The following KLHL12 variants were observed in gnomAD, a reference collection of about 807,000 sequenced individuals.
The protein encoded by KLHL12 is kelch like family member 12, also known as kelch-like protein 12.
A neutral mutation model predicts 60.8 loss-of-function variants in KLHL12; 17 were observed. The ratio of observed to expected loss-of-function variants is 0.28; its 90% confidence interval spans 0.19 to 0.42. The LOEUF (loss-of-function observed/expected upper bound fraction) is 0.42, where lower values mean the gene tolerates loss of function less well. Among genes scored for constraint, KLHL12 ranks in the 10% least tolerant of loss-of-function variants. KLHL12 has a pLI of 1.00. For synonymous variants in KLHL12, 220 were observed against 250.9 expected (o/e 0.88, Z 1.16); for missense variants, 468 against 722.3 (o/e 0.65, Z 4.04).
At chr1:202,903,917 C>T (rs1660100849) in intron 6 of KLHL12, among the ~76,000 whole-genome samples, 1 of 151,760 alleles carries the variant, frequency 6.6e-6, no homozygotes, top group Non-Finnish European at 1.5e-5. Flanking sequence ...TGCTCTTGGC[C>T]CTGTCTCATG....
chr1:202,916,034 G>C (rs1029589394), intron 4 of KLHL12, among the ~76,000 whole-genome samples: 1 of 152,182 alleles, frequency 6.6e-6, no homozygotes, highest in Non-Finnish European at 1.5e-5. Flanking sequence ...TTTCCAATAT[G>C]TGTACAAATC....
At chr1:202,906,951 C>T (rs1334250695) in intron 6 of KLHL12, among the ~76,000 whole-genome samples, 2 of 152,180 alleles carry the variant, frequency 1.3e-5, no homozygotes, top group East Asian at 1.9e-4. Context: ...TGTGAGACAC[C>T]GTGCCCGGCC....
rs755186933 is a variant in KLHL12, at chr1:202,892,545, G to A, written c.1695C>T (p.Leu565=). ...TQRCDAGVCV[L]REK is the part of the protein sequence containing the mutation. ...GCTCCAACAATGGTCACTTCTCGCGGAGAACACAAACACCAGCATCACAGC... is the reference window on the plus strand; with the variant it reads ...GCTCCAACAATGGTCACTTCTCGCGAAGAACACAAACACCAGCATCACAGC... Residue 565 remains leucine (L), a synonymous_variant, in exon 12 of 12, where the codon CTC becomes CTT. Transcript: ENST00000367261. 8 of 1,613,814 alleles carry A rather than the reference G, an allele frequency of 5.0e-6. No individual in the cohort carries two copies. Among genetic ancestry groups the A allele is most frequent in the Admixed American group, 1.7e-5 (1 of 60,028 alleles).
rs1489361960 is a variant in KLHL12, at chr1:202,918,206, C to G, written c.532G>C (p.Glu178Gln). The change falls in exon 4 of 12, where the codon GAG (glutamate) becomes CAG (glutamine). Residue 178 changes from glutamate (E) to glutamine (Q), a missense_variant. Around this residue, in one of 4 missense-constraint regions of KLHL12, gnomAD observed 339 missense variants for 525.0 expected, o/e 0.65. Coordinates refer to ENST00000367261, the MANE Select transcript of KLHL12 (RefSeq NM_021633.4). ...TCGCACTTGATTAGCTTTTCCACCT[C>G]TCCTTGACTCAGAAGAATGAACTCT... The part of the protein sequence containing the change: ...HEEFILLSQG[E>Q]VEKLIKCDEI... 1 of 1,614,036 alleles carries G rather than the reference C, an allele frequency of 6.2e-7. No individual in the cohort carries two copies. Among genetic ancestry groups the G allele is most frequent in the Non-Finnish European group, 8.5e-7 (1 of 1,180,014 alleles).
intron 6 of KLHL12, among the ~76,000 whole-genome samples, chr1:202,902,419 G>A (rs542030316): frequency 7.3e-5 from 11 of 150,788 alleles, no homozygotes; most frequent in Non-Finnish European, 1.5e-4. Flanking sequence ...AACAGAGCGA[G>A]ACTCCGTCCA....
rs1047643350 is a variant in KLHL12, at chr1:202,895,624, A to C, written c.1033T>G (p.Ser345Ala). ...GCTGTGTAGTCTAGACATTCCACTG[A>C]ACTAAGGCGGGAACGGCCATCATAG... ...GGYDGRSRLS[S>A]VECLDYTADE... Residue 345 changes from serine to alanine, a missense_variant, in exon 8 of 12, where the codon TCA becomes GCA. Coordinates refer to ENST00000367261, the MANE Select transcript of KLHL12 (RefSeq NM_021633.4). This position sits in a 1 kb window ranked among gnomAD's most constrained non-coding sequence, Gnocchi z 4.2. 50 of 1,613,998 alleles carry C rather than the reference A, an allele frequency of 3.1e-5. No homozygotes were observed. The highest frequency in any genetic ancestry group is 4.2e-5 in the Non-Finnish European group (49 of 1,180,010).
Position 202,909,111 on chromosome 1 carries a change from C to T in KLHL12, c.731G>A (p.Cys244Tyr), listed in dbSNP as rs780295621. The T allele has an allele frequency of 1.2e-6, 2 of 1,612,920 alleles. No individual in the cohort carries two copies. The highest frequency in any genetic ancestry group is 4.5e-5 in the East Asian group (2 of 44,858). ...DVIDAEPFIR[C>Y]SLQCRDLVDE... ...AACCAGATCCCTGCATTGTAAACTA[C>T]AGCGGATGAAAGGCTGAAATATAGC... Residue 244 changes from cysteine (C) to tyrosine (Y), a missense_variant, in exon 6 of 12, where the codon TGT (cysteine) becomes TAT (tyrosine). Cys to Tyr is a radical substitution (Grantham distance 194). Coordinates refer to ENST00000367261, the MANE Select transcript of KLHL12 (RefSeq NM_021633.4). The surrounding 1 kb of genome is among the most constrained non-coding windows in gnomAD (Gnocchi z 4.1).
At chr1:202,925,511 T>C (rs893854496) in intron 1 of KLHL12, among the ~76,000 whole-genome samples, 1 of 152,188 alleles carries the variant, frequency 6.6e-6, no homozygotes, top group Non-Finnish European at 1.5e-5. Context: ...CTTGACAAGG[T>C]TCTTGTCTCA....
At chr1:202,894,132 G>A in intron 10 of KLHL12, 52 bp downstream of exon 10, 2 of 1,021,702 alleles carry the variant, frequency 2.0e-6, no homozygotes, top group Non-Finnish European at 1.5e-6. Context: ...CATTATATAT[G>A]TAAAGGTCTG....
In KLHL12 at chr1:202,895,978, G is replaced by A. The variant is rs929083222; in HGVS notation, c.940-261C>T. Among the ~76,000 whole-genome samples, 4 of 152,174 alleles carry A rather than the reference G, an allele frequency of 2.6e-5. No homozygotes were observed. Among genetic ancestry groups the A allele is most frequent in the Non-Finnish European group, 5.9e-5 (4 of 68,038 alleles). On this transcript the variant is annotated intron_variant, in intron 7 of 11. Coordinates refer to ENST00000367261, the MANE Select transcript of KLHL12 (RefSeq NM_021633.4). This position sits in a 1 kb window ranked among gnomAD's most constrained non-coding sequence, Gnocchi z 4.2. ...CTTCCAAAAGATTTAACAGCTTTCTGTTATCCAATATCTGACTCCTTTCTC... is the reference window on the plus strand; with the variant it reads ...CTTCCAAAAGATTTAACAGCTTTCTATTATCCAATATCTGACTCCTTTCTC...
At chr1:202,919,188 C>T (rs1660611256) in intron 3 of KLHL12, among the ~76,000 whole-genome samples, 1 of 152,148 alleles carries the variant, frequency 6.6e-6, no homozygotes, top group Non-Finnish European at 1.5e-5. Context: ...CCCAAGAATT[C>T]AAGGATACAG....
chr1:202,900,575 T>C (rs971431880), intron 6 of KLHL12, among the ~76,000 whole-genome samples: 1 of 150,934 alleles, frequency 6.6e-6, no homozygotes, highest in Admixed American at 6.6e-5. Context: ...TAACATAAAA[T>C]AAAGAAGGCT....
At chr1:202,915,104 C>G (rs4950890) in intron 4 of KLHL12, 125,808 of 152,194 alleles carry the variant, frequency 0.83, 52,321 homozygotes, top group East Asian at 0.9. Flanking sequence ...CTCCACAATA[C>G]ATTTTCACAA....
chr1:202,900,608 A>C (rs1015349099), intron 6 of KLHL12, among the ~76,000 whole-genome samples: 1 of 152,138 alleles, frequency 6.6e-6, no homozygotes, highest in Non-Finnish European at 1.5e-5. Flanking sequence ...TCACGCCTGT[A>C]ATCACAGCAC....
intron 6 of KLHL12, among the ~76,000 whole-genome samples, chr1:202,900,956 G>C (rs892363543): frequency 9.2e-5 from 14 of 152,058 alleles, no homozygotes; most frequent in African/African-American, 3.1e-4. Flanking sequence ...TGAGGCAGGA[G>C]AATCACTTGA....
intron 3 of KLHL12, among the ~76,000 whole-genome samples, chr1:202,919,295 A>C (rs754822367): frequency 2.6e-5 from 4 of 152,156 alleles, no homozygotes; most frequent in Non-Finnish European, 5.9e-5. Context: ...AAGGGAAAAC[A>C]AACCACCTGT....
At chr1:202,907,288 G>T (rs1213687679) in intron 6 of KLHL12, among the ~76,000 whole-genome samples, 1 of 152,074 alleles carries the variant, frequency 6.6e-6, no homozygotes, top group Non-Finnish European at 1.5e-5. Context: ...TGAACATGCA[G>T]TACTTATGCC....
chr1:202,918,145 A>T, intron 4 of KLHL12, 26 bp downstream of exon 4: 1 of 1,552,516 alleles, frequency 6.4e-7, no homozygotes, highest in Non-Finnish European at 8.9e-7. Context: ...TCTTGAAGAA[A>T]CCATAACATC....
chr1:202,892,534 C>T lies in KLHL12; in HGVS notation c.1706G>A (p.Ter569=). ...DAGVCVLREK[*] ...CTCTGGATGGTGCTCCAACAATGGT[C>T]ACTTCTCGCGGAGAACACAAACACC... The change falls in exon 12 of 12, where the codon TGA becomes TAA. Residue 569 remains the stop codon, a stop_retained_variant. Transcript: ENST00000367261. 1 of 1,613,388 alleles carries T rather than the reference C, an allele frequency of 6.2e-7. No individual in the cohort carries two copies. The highest frequency in any genetic ancestry group is 1.1e-5 in the South Asian group (1 of 91,026).
Sources: allele counts gnomAD v4.1 joint callset (sites outside exome capture counted in the v4.1 genomes callset), GRCh38; gene constraint gnomAD v4.1.1; regional missense constraint gnomAD v4.1.1; non-coding constraint Gnocchi (gnomAD v3.1); transcripts MANE v1.5; gene names NCBI Gene and HGNC (gene_info 2026-07-23, HGNC 2026-07-21).